The following ZCWPW2 variants were observed in gnomAD, a reference collection of about 807,000 sequenced individuals.
ZCWPW2 encodes zinc finger CW-type and PWWP domain containing 2, also known as zinc finger CW-type PWWP domain protein 2.
A neutral mutation model predicts 46.6 loss-of-function variants in ZCWPW2; 45 were observed. The ratio of observed to expected loss-of-function variants is 0.96; its 90% CI spans 0.76 to 1.24. ZCWPW2 has a LOEUF of 1.24. Ranked by LOEUF, ZCWPW2 falls within the 50% of genes most tolerant of loss-of-function variation. ZCWPW2 has a pLI of 0.00. For missense variants in ZCWPW2, 429 were observed against 403.9 expected, an observed-to-expected ratio of 1.06 and a Z score of -0.53; for synonymous variants, 152 against 137.1, an observed-to-expected ratio of 1.11 and a Z score of -0.76.
chr3:28,483,406 A>C (rs975463219), intron 5 of ZCWPW2, among the ~76,000 whole-genome samples: 1 of 152,154 alleles, frequency 6.6e-6, no homozygotes, highest in African/African-American at 2.4e-5. Context: ...GTAAGTCTTC[A>C]AGTTGGGTAG....
At chr3:28,449,468 G>A (rs962361564) in intron 4 of ZCWPW2, among the ~76,000 whole-genome samples, 4 of 152,140 alleles carry the variant, frequency 2.6e-5, no homozygotes, top group Non-Finnish European at 4.4e-5. Context: ...GAAGTATTTA[G>A]AATAGTCAAA....
chr3:28,459,356 C>T (rs918898469), intron 4 of ZCWPW2, among the ~76,000 whole-genome samples: 7 of 150,884 alleles, frequency 4.6e-5, no homozygotes, highest in African/African-American at 9.8e-5. Flanking sequence ...GGTGACAGAG[C>T]GAGACTCTGT....
intron 2 of ZCWPW2, among the ~76,000 whole-genome samples, chr3:28,411,757 A>G (rs1696408526): frequency 6.6e-6 from 1 of 152,034 alleles, no homozygotes; most frequent in Non-Finnish European, 1.5e-5. Context: ...GCCTTTATGC[A>G]TTTTCTCATC....
intron 1 of ZCWPW2, among the ~76,000 whole-genome samples, chr3:28,385,427 TATG>T (rs1459618212): frequency 1.3e-5 from 2 of 152,206 alleles, no homozygotes; most frequent in Non-Finnish European, 2.9e-5. Context: ...CAGAATACAG[TATG>T]ATGTGGAAGA....
At chr3:28,439,958 T>C (rs890377896) in intron 4 of ZCWPW2, among the ~76,000 whole-genome samples, 1 of 152,188 alleles carries the variant, frequency 6.6e-6, no homozygotes, top group African/African-American at 2.4e-5. Context: ...CCCTTTGCCT[T>C]CAGCAAGCAT....
At chr3:28,392,412 G>A (rs1323965167) in intron 2 of ZCWPW2, among the ~76,000 whole-genome samples, 2 of 152,132 alleles carry the variant, frequency 1.3e-5, no homozygotes, top group Non-Finnish European at 2.9e-5. Context: ...AGATCATTCA[G>A]ACAGAAATCC....
At chr3:28,509,407 A>G (rs939633138) in intron 6 of ZCWPW2, among the ~76,000 whole-genome samples, 6 of 152,188 alleles carry the variant, frequency 3.9e-5, no homozygotes, top group African/African-American at 1.2e-4. Context: ...CTACTAAACT[A>G]TATTCCAAAG....
intron 3 of ZCWPW2, among the ~76,000 whole-genome samples, chr3:28,422,151 A>G (rs1696818150): frequency 6.6e-6 from 1 of 152,080 alleles, no homozygotes; most frequent in African/African-American, 2.4e-5. Flanking sequence ...CCCACCCTCA[A>G]TATCCCACAC....
At chr3:28,429,355 G>A (rs1025556577) in intron 3 of ZCWPW2, among the ~76,000 whole-genome samples, 2 of 152,098 alleles carry the variant, frequency 1.3e-5, no homozygotes, top group Non-Finnish European at 2.9e-5. Flanking sequence ...TAGGGTATCT[G>A]GTGGAAGAAA....
At chr3:28,485,160 A>G (rs1249290392) in intron 5 of ZCWPW2, among the ~76,000 whole-genome samples, 7 of 148,272 alleles carry the variant, frequency 4.7e-5, no homozygotes, top group Admixed American at 2.7e-4. Flanking sequence ...TCTTTGATCT[A>G]TGTGTTACTT....
At chr3:28,387,334 AG>A (rs1695316029) in intron 1 of ZCWPW2, among the ~76,000 whole-genome samples, 1 of 152,048 alleles carries the variant, frequency 6.6e-6, no homozygotes, top group Admixed American at 6.6e-5. Context: ...TACAGATCTG[AG>A]GGTACTATTT....
rs551073881 is a variant in ZCWPW2, at chr3:28,355,344, A to G, written c.-134+6141A>G. On this transcript the variant is annotated intron_variant, in intron 1 of 9. Coordinates refer to ENST00000383768, the MANE Select transcript of ZCWPW2 (RefSeq NM_001040432.4). ...ATTACAAACCACTGCTCAACAAAAT[A>G]AAAGAGGACGCAAATAAATGGAGGA... Among the ~76,000 whole-genome samples, 8 of 152,368 alleles carry G rather than the reference A, an allele frequency of 5.3e-5. No homozygotes were observed. The South Asian group carries it at 1.7e-3, about 32-fold the overall frequency.
rs533702588 is a variant in ZCWPW2, at chr3:28,353,952, C to A, written c.-134+4749C>A. On this transcript the variant is annotated intron_variant, in intron 1 of 9. Coordinates refer to ENST00000383768, the MANE Select transcript of ZCWPW2 (RefSeq NM_001040432.4). The stretch of plus-strand genomic sequence containing the variant: ...GCTCGTCTGAGGCTTTGCAGTTATA[C>A]TCTTTTGCTAATTGAGATATGAATT... 2.6e-5 allele frequency among the ~76,000 whole-genome samples: 4 copies of A among 152,302 alleles called. No homozygotes were observed. In the East Asian group the frequency reaches 5.8e-4, roughly 22 times the overall value.
chr3:28,421,752 C>T (rs1192126350), intron 3 of ZCWPW2, among the ~76,000 whole-genome samples: 2 of 149,794 alleles, frequency 1.3e-5, no homozygotes, highest in Non-Finnish European at 3.0e-5. Flanking sequence ...TCATATATAA[C>T]ATGCAGATTT....
chr3:28,522,196 T>C (rs1381990044), intron 9 of ZCWPW2, among the ~76,000 whole-genome samples: 1 of 152,238 alleles, frequency 6.6e-6, no homozygotes, highest in East Asian at 1.9e-4. Context: ...CACACCAACA[T>C]GGCACATGTG....
chr3:28,392,143 C>G (rs540473841), intron 2 of ZCWPW2, among the ~76,000 whole-genome samples: 3 of 152,036 alleles, frequency 2.0e-5, no homozygotes, highest in African/African-American at 7.2e-5. Context: ...ACATTTCATG[C>G]AAACAGAATC....
At chr3:28,442,536 T>A (rs1697805922) in intron 4 of ZCWPW2, among the ~76,000 whole-genome samples, 1 of 152,228 alleles carries the variant, frequency 6.6e-6, no homozygotes, top group South Asian at 2.1e-4. Context: ...GGAGAGTTGA[T>A]ATACCCTTGA....
intron 4 of ZCWPW2, chr3:28,461,806 T>G (rs1036566666): frequency 6.6e-6 from 1 of 152,174 alleles, no homozygotes; most frequent in Non-Finnish European, 1.5e-5. Context: ...ATGTTAGTTA[T>G]TTTTGAGTGC....
intron 4 of ZCWPW2, among the ~76,000 whole-genome samples, chr3:28,466,525 G>T (rs1476655661): frequency 6.6e-6 from 1 of 152,210 alleles, no homozygotes; most frequent in Non-Finnish European, 1.5e-5. Context: ...GAGACTGGCT[G>T]TGGTGGCTCA....
Sources: allele counts gnomAD v4.1 joint callset (sites outside exome capture counted in the v4.1 genomes callset), GRCh38; gene constraint gnomAD v4.1.1; transcripts MANE v1.5; gene names NCBI Gene and HGNC (gene_info 2026-07-23, HGNC 2026-07-21).